SLC12A5: variants seen among roughly 807,000 people sequenced by gnomAD.
SLC12A5 encodes the protein K-Cl cotransporter 2.
A neutral mutation model predicts 124.0 loss-of-function variants in SLC12A5; 18 were observed. The observed-to-expected ratio is 0.15, with a 90% CI of 0.10 to 0.22. The LOEUF is 0.22. Among genes scored for constraint, SLC12A5 ranks in the 10% least tolerant of loss-of-function variants. The pLI is 1.00. For missense variants in SLC12A5, 867 were observed against 1,478.7 expected, an observed-to-expected ratio of 0.59 and a Z score of 6.78; for synonymous variants, 589 against 568.0, an observed-to-expected ratio of 1.04 and a Z score of -0.53.
At chr20:46,038,696 ATG>A (rs1306586059) in intron 6 of SLC12A5, among the ~76,000 whole-genome samples, 1 of 152,270 alleles carries the variant, frequency 6.6e-6, no homozygotes. Flanking sequence ...CTCACAAAAA[ATG>A]AGATTACATG....
At chr20:46,029,550 T>C (rs960619208) in intron 1 of SLC12A5, among the ~76,000 whole-genome samples, 154 bp downstream of exon 1, 5 of 151,902 alleles carry the variant, frequency 3.3e-5, no homozygotes, top group African/African-American at 1.2e-4. Flanking sequence ...TCAGCTCCAT[T>C]GGAATGCTCC....
chr20:46,045,938 A>G lies in SLC12A5; in HGVS notation c.1630A>G (p.Ile544Val). 6.2e-7 allele frequency: 1 copy of G among 1,614,150 alleles called. No individual in the cohort carries two copies. Among genetic ancestry groups the G allele is most frequent in the African/African-American group, 1.3e-5 (1 of 75,028 alleles). ...CTGGGCCCTGCTCCTGACTGCCTGC[A>G]TCTGCGAGATTGGCATCCTCATTGC... ...PTWALLLTAC[I>V]CEIGILIASL... Residue 544 changes from isoleucine to valine, a missense_variant, in exon 13 of 26, where the codon ATC (isoleucine) becomes GTC (valine). Transcript: ENST00000243964. This position sits in a 1 kb window ranked among gnomAD's most constrained non-coding sequence, Gnocchi z 4.9.
At chr20:46,025,678 A>AC (rs2084391445), upstream of SLC12A5, among the ~76,000 whole-genome samples, 1 of 149,996 alleles carries the variant, frequency 6.7e-6, no homozygotes, top group Non-Finnish European at 1.5e-5. Context: ...TGTTAATTAA[A>AC]CCCCCGGTTG....
chr20:46,043,018 G>T, intron 8 of SLC12A5, 135 bp from the exon 9 acceptor site: 4 of 871,896 alleles, frequency 4.6e-6, no homozygotes, highest in Non-Finnish European at 7.3e-6. Context: ...CAGTGGAAAT[G>T]AAATAGAGAT....
chr20:46,034,364 G>T (rs2084478900), intron 1 of SLC12A5, among the ~76,000 whole-genome samples: 2 of 152,190 alleles, frequency 1.3e-5, no homozygotes, highest in South Asian at 4.1e-4. Flanking sequence ...TGCCAGATTG[G>T]AAATTCCTGG....
rs546121428 is a variant in SLC12A5, at chr20:46,059,887, A to AG, written c.*2284dup. ...AGTTGAAAACCCTTGTAAATAGGAGAGGTTGCAAACCAAATCAAGAGTATT... is the reference window on the plus strand; with the variant it reads ...AGTTGAAAACCCTTGTAAATAGGAGAGGGTTGCAAACCAAATCAAGAGTATT... On this transcript the variant is annotated 3_prime_UTR_variant, in exon 26 of 26. Coordinates refer to ENST00000243964, the MANE Select transcript of SLC12A5 (RefSeq NM_020708.5). 5.3e-4 allele frequency: 198 copies of AG among 371,738 alleles called. No homozygotes were observed. Among genetic ancestry groups the AG allele is most frequent in the Non-Finnish European group, 8.1e-4 (169 of 209,338 alleles). The allele number at this position is 371,738 out of a possible 1,614,324, so 23.0% of individuals were successfully genotyped here.
chr20:46,041,275 A>T, intron 7 of SLC12A5, 54 bp from the exon 8 acceptor site: 1 of 1,534,208 alleles, frequency 6.5e-7, no homozygotes, highest in Non-Finnish European at 9.0e-7. Flanking sequence ...TGTATTGTGC[A>T]GCGAGGGCAA....
intron 4 of SLC12A5, 24 bp from the exon 5 acceptor site, chr20:46,036,717 C>G: frequency 6.2e-7 from 1 of 1,613,486 alleles, no homozygotes; most frequent in African/African-American, 1.3e-5. Flanking sequence ...CCAGCCACCG[C>G]TCTGATGATC....
chr20:46,029,171 A>T, upstream of SLC12A5: 2 of 1,416,152 alleles, frequency 1.4e-6, no homozygotes, highest in Non-Finnish European at 1.8e-6. Flanking sequence ...CGCGGGTGTG[A>T]GCGTGTGTCC....
chr20:46,037,114 C>T (rs530185988), intron 5 of SLC12A5, 141 bp from the exon 6 acceptor site: 4 of 1,275,052 alleles, frequency 3.1e-6, no homozygotes, highest in Middle Eastern at 2.8e-4. Context: ...GGTCTCTCAC[C>T]AGTCCCCTTT....
chr20:46,021,787 A>C, upstream of SLC12A5: 1 of 1,531,272 alleles, frequency 6.5e-7, no homozygotes, highest in South Asian at 1.2e-5. Context: ...GTTCACGGTC[A>C]CCTCGCTGCC....
chr20:46,037,881 G>A (rs542314743), intron 6 of SLC12A5, among the ~76,000 whole-genome samples: 1 of 152,336 alleles, frequency 6.6e-6, no homozygotes, highest in South Asian at 2.1e-4. Flanking sequence ...GTTAATGGTA[G>A]ATGGCTGGTG....
At chr20:46,026,585 G>A (rs11086992), upstream of SLC12A5, among the ~76,000 whole-genome samples, 9,238 of 152,332 alleles carry the variant, frequency 0.061, 894 homozygotes, top group African/African-American at 0.21. Context: ...CTGCTCACTT[G>A]GTCGGGGCTC....
At position 46,044,941 on chromosome 20, in the gene SLC12A5, G is replaced by A. The variant is rs1246448731; in HGVS notation, c.1395-25G>A. 2.5e-6 allele frequency: 4 copies of A among 1,613,936 alleles called. No homozygotes were observed. The African/African-American group carries it at 4.0e-5, about 16-fold the overall frequency. On this transcript the variant is annotated intron_variant, in intron 11 of 25. Transcript: ENST00000243964. ...AAATCCAGGCAGCACTGCTCACCTG[G>A]CATCTCCTGTCCACATCATTCCAGG...
intron 1 of SLC12A5, among the ~76,000 whole-genome samples, chr20:46,031,960 C>T (rs1161790542): frequency 6.6e-6 from 1 of 152,260 alleles, no homozygotes; most frequent in African/African-American, 2.4e-5. Context: ...TCAACCAGTG[C>T]GCCTGGCGTT....
chr20:46,043,160 C>T lies in SLC12A5; in HGVS notation c.1074C>T (p.Leu358=). The change falls in exon 9 of 26, where the codon CTC becomes CTT. Residue 358 remains leucine, a synonymous_variant. Coordinates refer to ENST00000243964, the MANE Select transcript of SLC12A5 (RefSeq NM_020708.5). ...CATTCTGTCTCCCCACAGAGAACCT[C>T]TGGAGCTCCTACCTGACCAAGGGCG... ...GAASGLIKEN[L]WSSYLTKGVI... is the part of the protein sequence containing the mutation. The T allele has an allele frequency of 6.2e-7, 1 of 1,613,782 alleles. No individual in the cohort carries two copies. Among genetic ancestry groups the T allele is most frequent in the Non-Finnish European group, 8.5e-7 (1 of 1,179,806 alleles).
At chr20:46,046,779 G>C (rs1352457348) in intron 14 of SLC12A5, among the ~76,000 whole-genome samples, 1 of 152,198 alleles carries the variant, frequency 6.6e-6, no homozygotes, top group Non-Finnish European at 1.5e-5. Flanking sequence ...TTGGGCTGAT[G>C]ATGTAGCTTC....
Position 46,047,583 on chromosome 20 carries a change from G to A in SLC12A5, c.1907+10G>A. 6.2e-7 allele frequency: 1 copy of A among 1,611,940 alleles called. No individual in the cohort carries two copies. Among genetic ancestry groups the A allele is most frequent in the Non-Finnish European group, 8.5e-7 (1 of 1,178,406 alleles). ...ACATTGAGTACCGTGGGTGAGTGTGGGGAGTGGAGGTTGGGGTGGCTGGGG... is the reference window on the plus strand; with the variant it reads ...ACATTGAGTACCGTGGGTGAGTGTGAGGAGTGGAGGTTGGGGTGGCTGGGG... On this transcript the variant is annotated intron_variant, in intron 15 of 25. Coordinates refer to ENST00000243964, the MANE Select transcript of SLC12A5 (RefSeq NM_020708.5).
intron 16 of SLC12A5, 121 bp downstream of exon 16, chr20:46,048,206 CCTAAAAGCCCAG>C (rs375780930): frequency 0.02 from 16,827 of 824,190 alleles, 231 homozygotes; most frequent in Middle Eastern, 0.032. Flanking sequence ...TGAGTCGTGC[CCTAAAAGCCCAG>C]CCTTGTCTGA....
Sources: allele counts gnomAD v4.1 joint callset (sites outside exome capture counted in the v4.1 genomes callset), GRCh38; gene constraint gnomAD v4.1.1; non-coding constraint Gnocchi (gnomAD v3.1); transcripts MANE v1.5; gene names NCBI Gene and HGNC (gene_info 2026-07-23, HGNC 2026-07-21).